The following GYG1 variants were observed in gnomAD, a reference collection of about 807,000 sequenced individuals.
GYG1 encodes the protein glycogenin 1, also known as glycogenin-1.
GYG1 carries 44 observed loss-of-function variants against 41.9 expected under a neutral mutation model. That is an observed-to-expected ratio of 1.05 (90% CI 0.83 to 1.35). GYG1 has a LOEUF of 1.35. Ranked by LOEUF, GYG1 falls within the 40% of genes most tolerant of loss-of-function variation. The pLI is 0.00. For missense variants in GYG1, 429 were observed against 418.9 expected (o/e 1.02, Z -0.21); for synonymous variants, 141 against 158.1 (o/e 0.89, Z 0.81).
At chr3:149,008,911 A>C (rs1272008116) in intron 4 of GYG1, 1 of 229,404 alleles carries the variant, frequency 4.4e-6, no homozygotes, top group Non-Finnish European at 8.7e-6. Context: ...TAGTCCTTGC[A>C]CTTTGGGAGG....
In GYG1 at chr3:148,994,165, A is replaced by G; in HGVS notation, c.31A>G (p.Thr11Ala). 1 of 1,613,770 alleles carries G rather than the reference A, an allele frequency of 6.2e-7. No individual in the cohort carries two copies. Reference protein sequence around the residue: MTDQAFVTLTTNDAYAKGALV... With the variant: MTDQAFVTLTANDAYAKGALV... ...AGATCAGGCCTTTGTGACACTAACC[A>G]CAAACGATGCCTACGCCAAAGGTGC... The change falls in exon 2 of 8, where the codon ACA becomes GCA. Residue 11 changes from threonine (T) to alanine (A), a missense_variant. Transcript: ENST00000345003.
At chr3:149,018,503 T>A (rs1026078881) in intron 5 of GYG1, among the ~76,000 whole-genome samples, 1 of 152,176 alleles carries the variant, frequency 6.6e-6, no homozygotes, top group African/African-American at 2.4e-5. Flanking sequence ...GTGATATGAC[T>A]GCCTTACACA....
chr3:149,020,996 T>A (rs546044318), intron 5 of GYG1, among the ~76,000 whole-genome samples: 103 of 152,266 alleles, frequency 6.8e-4, no homozygotes, highest in African/African-American at 2.5e-3. Context: ...AGGTGTCAGA[T>A]CTCTGTGGTG....
intron 6 of GYG1, among the ~76,000 whole-genome samples, chr3:149,024,675 T>A (rs1211463870): frequency 1.3e-5 from 2 of 152,220 alleles, no homozygotes; most frequent in African/African-American, 4.8e-5. Flanking sequence ...GAAGAATGTG[T>A]TTTCAGTGAA....
chr3:149,003,116 T>A lies in GYG1; in HGVS notation c.482-6160T>A, dbSNP rs1276674188. 2.0e-3 allele frequency among the ~76,000 whole-genome samples: 15 copies of A among 7,472 alleles called. 1 individual carries two copies. Among genetic ancestry groups the A allele is most frequent in the African/African-American group, 0.011 (15 of 1,380 alleles). The allele number at this position is 7,472 out of a possible 152,430, so 4.9% of individuals were successfully genotyped here. A position where few individuals can be genotyped will look rare whatever the true frequency, so the allele number is the denominator to read the frequency against. ...AATATAAAGCATATTTTACTATAATTTTTTTTTTTTTTTTTTGAGATGGAG... is the reference window on the plus strand; with the variant it reads ...AATATAAAGCATATTTTACTATAATATTTTTTTTTTTTTTTTGAGATGGAG... On this transcript the variant is annotated intron_variant, in intron 4 of 7. Transcript: ENST00000345003.
At chr3:149,018,790 C>T (rs1278917935) in intron 5 of GYG1, among the ~76,000 whole-genome samples, 1 of 151,996 alleles carries the variant, frequency 6.6e-6, no homozygotes, top group African/African-American at 2.4e-5. Context: ...AGGCCGGGCC[C>T]GTAATGTCAG....
chr3:149,030,663 A>G lies in GYG1; in HGVS notation c.*3730A>G, dbSNP rs561552109. The stretch of plus-strand genomic sequence containing the variant: ...GCTTGATCTACCAGGTAACTTCCCA[A>G]CTGCTCCTAATGCTAGCGGGCTAAT... On this transcript the variant is annotated 3_prime_UTR_variant, in exon 8 of 8. Coordinates refer to ENST00000345003, the MANE Select transcript of GYG1 (RefSeq NM_004130.4). 6.2e-4 allele frequency: 94 copies of G among 152,286 alleles called. No individual in the cohort carries two copies. The highest frequency in any genetic ancestry group is 2.2e-3 in the African/African-American group (90 of 41,548). 9.4% of individuals were successfully genotyped at this position (152,286 alleles called of 1,614,324 possible). A position where few individuals can be genotyped will look rare whatever the true frequency, so the allele number is the denominator to read the frequency against.
intron 5 of GYG1, among the ~76,000 whole-genome samples, chr3:149,012,594 A>T (rs1482337188): frequency 1.3e-5 from 2 of 152,230 alleles, no homozygotes; most frequent in Non-Finnish European, 1.5e-5. Flanking sequence ...AAGCCACAAA[A>T]TAGCACATCT....
At chr3:149,026,718 G>T (rs900611423) in intron 7 of GYG1, 42 bp from the exon 8 acceptor site, 3 of 1,400,776 alleles carry the variant, frequency 2.1e-6, no homozygotes, top group Non-Finnish European at 3.0e-6. Context: ...AAAACAGTTT[G>T]ATTTTCAGCT....
rs1427498449 is a variant in GYG1, at chr3:149,030,349, TTTAAAA to T, written c.*3418_*3423del. On this transcript the variant is annotated 3_prime_UTR_variant, in exon 8 of 8. Transcript: ENST00000345003. ...CAAATTAAATTTTTTAAATTAAACT[TTTAAAA>T]TATAACAACATCTAACAGAACTGTA... The T allele has an allele frequency of 6.6e-6, 1 of 152,170 alleles. No individual in the cohort carries two copies. The highest frequency in any genetic ancestry group is 1.5e-5 in the Non-Finnish European group (1 of 68,018). 9.4% of individuals were successfully genotyped at this position (152,170 alleles called of 1,614,324 possible).
At chr3:148,993,021 A>G (rs966493454) in intron 1 of GYG1, among the ~76,000 whole-genome samples, 3 of 152,110 alleles carry the variant, frequency 2.0e-5, no homozygotes, top group Non-Finnish European at 4.4e-5. Context: ...CAGGTCAGAA[A>G]GAGAAGGACT....
Position 149,024,285 on chromosome 3 carries a change from T to G in GYG1, c.828+13T>G. 1 of 1,492,262 alleles carries G rather than the reference T, an allele frequency of 6.7e-7. No homozygotes were observed. The highest frequency in any genetic ancestry group is 1.1e-5 in the South Asian group (1 of 88,724). The allele number at this position is 1,492,262 out of a possible 1,614,324, so 92.4% of individuals were successfully genotyped here. ...ATATGTAAATGTGGTAGGTTCTGTT[T>G]CTTTTCTTCAGATCATTTAATGCTG... On this transcript the variant is annotated intron_variant, in intron 6 of 7. Transcript: ENST00000345003.
At position 149,029,605 on chromosome 3, in the gene GYG1, T is replaced by C. The variant is rs766476328; in HGVS notation, c.*2672T>C. 4.6e-5 allele frequency among the ~76,000 whole-genome samples: 7 copies of C among 152,248 alleles called. No individual in the cohort carries two copies. The highest frequency in any genetic ancestry group is 7.3e-5 in the Non-Finnish European group (5 of 68,044). ...GAGCCAAACATCAAATGTGCCCTTA[T>C]ATTTTTAATGAATCTCATCCAAATG... On this transcript the variant is annotated 3_prime_UTR_variant, in exon 8 of 8. Transcript: ENST00000345003.
At chr3:149,024,028 G>A (rs1714508821) in intron 5 of GYG1, 25 bp from the exon 6 acceptor site, 1 of 1,555,762 alleles carries the variant, frequency 6.4e-7, no homozygotes, top group Non-Finnish European at 8.9e-7. Flanking sequence ...TCCACTAACT[G>A]TTTCAACTTG....
chr3:148,996,422 C>CT lies in GYG1; in HGVS notation c.265dup (p.Cys89LeufsTer24). 1 of 1,613,978 alleles carries CT rather than the reference C, an allele frequency of 6.2e-7. No individual in the cohort carries two copies. Among genetic ancestry groups the CT allele is most frequent in the Non-Finnish European group, 8.5e-7 (1 of 1,179,898 alleles). On this transcript the variant is annotated frameshift_variant, in exon 3 of 8. Coordinates refer to ENST00000345003, the MANE Select transcript of GYG1 (RefSeq NM_004130.4). LOFTEE classifies it high-confidence loss of function. ...TGGGTGTCACGCTGACAAAGCTCCA[C>CT]TGCTGGTCGCTTACACAGTATTCAA...
chr3:149,018,673 G>C (rs572743221), intron 5 of GYG1, among the ~76,000 whole-genome samples: 1 of 151,884 alleles, frequency 6.6e-6, no homozygotes, highest in Non-Finnish European at 1.5e-5. Context: ...ACTTATCCAG[G>C]CCTGCTCTTC....
chr3:148,997,515 T>G (rs551568389), intron 4 of GYG1, among the ~76,000 whole-genome samples: 1 of 152,330 alleles, frequency 6.6e-6, no homozygotes, highest in African/African-American at 2.4e-5. Context: ...TAGTTATATT[T>G]ATATAATGGT....
intron 4 of GYG1, among the ~76,000 whole-genome samples, chr3:148,997,170 A>G (rs1346044549): frequency 2.0e-5 from 3 of 152,164 alleles, no homozygotes; most frequent in African/African-American, 7.2e-5. Context: ...GTCTTCCTGT[A>G]TCTAGAGTAT....
Position 149,004,063 on chromosome 3 carries a change from C to T in GYG1, c.482-5213C>T, listed in dbSNP as rs536456978. On this transcript the variant is annotated intron_variant, in intron 4 of 7. Coordinates refer to ENST00000345003, the MANE Select transcript of GYG1 (RefSeq NM_004130.4). ...CTGTAGTTGCAAGGTGATTACACAG[C>T]ATTTGCATTTGGGCAGCCGGGTGGA... The T allele has an allele frequency of 3.3e-5, 5 of 152,326 alleles. No homozygotes were observed. The South Asian group carries it at 1.0e-3, about 32-fold the overall frequency. The allele number at this position is 152,326 out of a possible 1,614,324, so 9.4% of individuals were successfully genotyped here.
Sources: gnomAD v4.1 joint callset for allele counts (sites outside exome capture counted in the v4.1 genomes callset) on GRCh38, gnomAD v4.1.1 for gene constraint, MANE v1.5 for transcripts, NCBI Gene and HGNC (gene_info 2026-07-23, HGNC 2026-07-21) for gene names.